SUPT3H: variants seen among roughly 807,000 people sequenced by gnomAD.
SUPT3H encodes SPT3 homolog, SAGA and STAGA complex component.
SUPT3H carries 44 observed loss-of-function variants against 44.3 expected under a neutral mutation model. The ratio of observed to expected loss-of-function variants is 0.99; its 90% CI spans 0.78 to 1.28. The LOEUF is 1.28. Among genes scored for constraint, SUPT3H ranks in the 50% most tolerant of loss-of-function variants. SUPT3H has a pLI of 0.00. For synonymous variants in SUPT3H, 124 were observed against 125.6 expected, an observed-to-expected ratio of 0.99 and a Z score of 0.09; for missense variants, 380 against 387.1, an observed-to-expected ratio of 0.98 and a Z score of 0.15.
At chr6:45,369,776 A>G (rs555421409) in intron 1 of SUPT3H, among the ~76,000 whole-genome samples, 2 of 152,306 alleles carry the variant, frequency 1.3e-5, no homozygotes, top group South Asian at 2.1e-4. Context: ...AATGCAAGAG[A>G]CAAGCACATA....
intron 5 of SUPT3H, among the ~76,000 whole-genome samples, chr6:45,013,917 T>C (rs1345833017): frequency 6.6e-6 from 1 of 152,066 alleles, no homozygotes; most frequent in Non-Finnish European, 1.5e-5. Context: ...TGCAACAGAC[T>C]CTCAATACTG....
Position 44,984,573 on chromosome 6 carries a change from C to T in SUPT3H, c.504+19080G>A, listed in dbSNP as rs181276189. ...AGTGAATATATATTTAGCATCTTTG[C>T]GATCCCCAGTCTCTACATGAATCCA... On this transcript the variant is annotated intron_variant, in intron 6 of 10. Coordinates refer to ENST00000371459, the MANE Select transcript of SUPT3H (RefSeq NM_003599.4). 3.9e-5 allele frequency among the ~76,000 whole-genome samples: 6 copies of T among 152,148 alleles called. No homozygotes were observed. In the East Asian group the frequency reaches 5.8e-4, roughly 15 times the overall value.
At chr6:44,897,443 T>G (rs1764280657) in intron 10 of SUPT3H, among the ~76,000 whole-genome samples, 1 of 152,234 alleles carries the variant, frequency 6.6e-6, no homozygotes, top group Non-Finnish European at 1.5e-5. Flanking sequence ...AGAAATTTCC[T>G]CTTTTGAAAT....
intron 1 of SUPT3H, among the ~76,000 whole-genome samples, chr6:45,375,975 C>T (rs566083068): frequency 6.6e-6 from 1 of 152,130 alleles, no homozygotes; most frequent in African/African-American, 2.4e-5. Flanking sequence ...TTTTTCAAAT[C>T]GCTTTATTAC....
chr6:45,337,272 C>T (rs1788766950), intron 2 of SUPT3H, among the ~76,000 whole-genome samples: 1 of 151,574 alleles, frequency 6.6e-6, no homozygotes, highest in Non-Finnish European at 1.5e-5. Context: ...TTTCTTTAAC[C>T]ATAAGACTGT....
chr6:44,941,501 T>C (rs555789619), intron 9 of SUPT3H, among the ~76,000 whole-genome samples: 80 of 152,262 alleles, frequency 5.3e-4, no homozygotes, highest in African/African-American at 1.8e-3. Context: ...TGCTGAGAAG[T>C]CTGCTGTTAG....
chr6:45,139,286 A>T (rs78889039), intron 2 of SUPT3H, among the ~76,000 whole-genome samples: 3,391 of 152,360 alleles, frequency 0.022, 128 homozygotes, highest in African/African-American at 0.077. Context: ...TATATTTTAC[A>T]AACAATTATT....
chr6:45,140,602 C>T (rs1805018977), intron 2 of SUPT3H, among the ~76,000 whole-genome samples: 1 of 151,956 alleles, frequency 6.6e-6, no homozygotes, highest in Admixed American at 6.6e-5. Context: ...TTCAAAAAAG[C>T]CAGTGCACTA....
chr6:44,908,310 C>T (rs1025769368), intron 10 of SUPT3H, among the ~76,000 whole-genome samples: 3 of 151,856 alleles, frequency 2.0e-5, no homozygotes, highest in African/African-American at 7.3e-5. Context: ...CACCACCATG[C>T]CCAGCTAATT....
In SUPT3H at chr6:44,883,385, C is replaced by A. The variant is rs558131351; in HGVS notation, c.912+49268G>T. ...TCAAGAAAATAAGAGAGGACACAAA[C>A]AAATGGAAAAACATTCCATGCTTAT... On this transcript the variant is annotated intron_variant, in intron 10 of 10. Transcript: ENST00000371459. 3.9e-5 allele frequency among the ~76,000 whole-genome samples: 6 copies of A among 152,228 alleles called. 1 individual carries two copies. In the South Asian group the frequency reaches 1.2e-3, roughly 32 times the overall value.
chr6:45,011,620 AGT>A (rs111274289), intron 5 of SUPT3H, among the ~76,000 whole-genome samples: 67 of 152,198 alleles, frequency 4.4e-4, no homozygotes, highest in African/African-American at 1.6e-3. Flanking sequence ...TTATATACAT[AGT>A]GTTTTATATA....
At chr6:45,262,314 A>G (rs945278029) in intron 2 of SUPT3H, among the ~76,000 whole-genome samples, 9 of 151,916 alleles carry the variant, frequency 5.9e-5, no homozygotes, top group South Asian at 2.1e-4. Context: ...AAAAACAGAT[A>G]CACAGACCAA....
At chr6:45,161,128 G>A (rs1311893998) in intron 2 of SUPT3H, among the ~76,000 whole-genome samples, 1 of 152,116 alleles carries the variant, frequency 6.6e-6, no homozygotes, top group Non-Finnish European at 1.5e-5. Context: ...AGCTTTCTGA[G>A]GTTTCCCCAG....
chr6:45,087,701 A>G lies in SUPT3H; in HGVS notation c.186+18221T>C, dbSNP rs563707355. On this transcript the variant is annotated intron_variant, in intron 3 of 10. Transcript: ENST00000371459. The stretch of plus-strand genomic sequence containing the variant: ...AAGAAATCTATACTCATTTTAGCAC[A>G]CTGGTCAAGTTTGGGGGCTTGAGCT... 1.4e-4 allele frequency among the ~76,000 whole-genome samples: 21 copies of G among 151,976 alleles called. 1 individual carries two copies. Among genetic ancestry groups the G allele is most frequent in the African/African-American group, 5.1e-4 (21 of 41,512 alleles).
chr6:45,123,642 A>C (rs1036671873), intron 2 of SUPT3H, among the ~76,000 whole-genome samples: 1 of 152,178 alleles, frequency 6.6e-6, no homozygotes, highest in African/African-American at 2.4e-5. Context: ...TGTGTGGTGA[A>C]GTGTAACAGG....
intron 6 of SUPT3H, among the ~76,000 whole-genome samples, chr6:44,999,199 G>C (rs1781676180): frequency 6.6e-6 from 1 of 152,048 alleles, no homozygotes; most frequent in Admixed American, 6.6e-5. Context: ...AAGAAAGAGA[G>C]TGAGAGTGAA....
At chr6:45,256,173 A>AAAAT (rs550735363) in intron 2 of SUPT3H, among the ~76,000 whole-genome samples, 1 of 152,314 alleles carries the variant, frequency 6.6e-6, no homozygotes, top group African/African-American at 2.4e-5. Flanking sequence ...TCTGTCTCAA[A>AAAAT]AAATAAATAA....
At chr6:45,195,154 C>G (rs991860447) in intron 2 of SUPT3H, among the ~76,000 whole-genome samples, 4 of 152,002 alleles carry the variant, frequency 2.6e-5, no homozygotes, top group African/African-American at 9.7e-5. Context: ...TGAAATGAGG[C>G]TAGCTTAATA....
chr6:45,124,438 G>A (rs1212106863), intron 2 of SUPT3H, among the ~76,000 whole-genome samples: 2 of 151,922 alleles, frequency 1.3e-5, no homozygotes, highest in East Asian at 1.9e-4. Flanking sequence ...GAGGTCAGGC[G>A]TTCAAGACCA....
Sources: gnomAD v4.1 joint callset for allele counts (sites outside exome capture counted in the v4.1 genomes callset) on GRCh38, gnomAD v4.1.1 for gene constraint, MANE v1.5 for transcripts, NCBI Gene and HGNC (gene_info 2026-07-23, HGNC 2026-07-21) for gene names.